Variants in TK2 observed in about 807,000 individuals in gnomAD.
TK2 encodes the protein thymidine kinase 2, also known as thymidine kinase 2, mitochondrial.
In TK2, 35 loss-of-function variants were observed where a neutral mutation model predicts 41.9. The observed-to-expected ratio is 0.84, with a 90% confidence interval of 0.64 to 1.11. The LOEUF (loss-of-function observed/expected upper bound fraction) is 1.11. Ranked by LOEUF, TK2 falls within the 50% of genes least tolerant of loss-of-function variation. The probability of loss-of-function intolerance (pLI) is 0.00; values close to 1 mark genes in which losing one functional copy is unlikely to be tolerated. For synonymous variants in TK2, 128 were observed against 129.1 expected (o/e 0.99, Z 0.06); for missense variants, 320 against 351.1 (o/e 0.91, Z 0.71).
chr16:66,531,720 C>G (rs866080636), intron 4 of TK2, among the ~76,000 whole-genome samples: 3 of 152,252 alleles, frequency 2.0e-5, no homozygotes, highest in Middle Eastern at 3.4e-3. Context: ...GGAATTAGGC[C>G]AGACAAAGAA....
At chr16:66,522,371 G>T (rs1482997990) in intron 6 of TK2, among the ~76,000 whole-genome samples, 3 of 152,204 alleles carry the variant, frequency 2.0e-5, no homozygotes, top group Non-Finnish European at 2.9e-5. Context: ...CAAGCCACAG[G>T]TGAGTCAGCA....
chr16:66,520,020 C>T (rs1331538697), intron 6 of TK2, among the ~76,000 whole-genome samples: 1 of 152,196 alleles, frequency 6.6e-6, no homozygotes, highest in Non-Finnish European at 1.5e-5. Context: ...GAGACCACCC[C>T]CATGTCCTCA....
Position 66,520,541 on chromosome 16 carries a change from C to T in TK2, c.450-2664G>A, listed in dbSNP as rs538610131. ...CAGGCGTGAGGGAGGTTTGCAGGGA[C>T]TTACAGAAAAGATACTTCCGCACGC... On this transcript the variant is annotated intron_variant, in intron 6 of 9. Transcript: ENST00000544898. 3.9e-5 allele frequency among the ~76,000 whole-genome samples: 6 copies of T among 152,302 alleles called. No homozygotes were observed. The East Asian group carries it at 1.2e-3, about 29-fold the overall frequency.
chr16:66,517,145 G>A lies in TK2; in HGVS notation c.609C>T (p.Val203=). The A allele has an allele frequency of 6.2e-7, 1 of 1,614,126 alleles. No individual in the cohort carries two copies. The highest frequency in any genetic ancestry group is 8.5e-7 in the Non-Finnish European group (1 of 1,180,000). The change falls in exon 8 of 10, where the codon GTC becomes GTT. Residue 203 remains valine (V), a synonymous_variant. Coordinates refer to ENST00000544898, the MANE Select transcript of TK2 (RefSeq NM_004614.5). The surrounding 1 kb of genome is among the most constrained non-coding windows in gnomAD (Gnocchi z 4.3). ...LKKRCREEEK[V]IPLEYLEAIH... Reference sequence around the variant, plus strand: ...CAAAGAGGCCTCTTACCAGCGGAATGACCTTCTCCTCTTCCCTGCATCTCT... The same window carrying A: ...CAAAGAGGCCTCTTACCAGCGGAATAACCTTCTCCTCTTCCCTGCATCTCT...
At chr16:66,532,293 T>C (rs1233807916) in intron 4 of TK2, among the ~76,000 whole-genome samples, 2 of 152,086 alleles carry the variant, frequency 1.3e-5, no homozygotes, top group African/African-American at 4.8e-5. Context: ...GGAATCCCAT[T>C]TGCGATGCTA....
At chr16:66,529,985 A>G (rs764037993) in intron 5 of TK2, among the ~76,000 whole-genome samples, 3 of 152,154 alleles carry the variant, frequency 2.0e-5, no homozygotes, top group Non-Finnish European at 2.9e-5. Flanking sequence ...AGAGGAGTGC[A>G]TTTATATCCC....
At chr16:66,523,097 G>A (rs978714121) in intron 6 of TK2, among the ~76,000 whole-genome samples, 2 of 152,150 alleles carry the variant, frequency 1.3e-5, no homozygotes, top group Non-Finnish European at 2.9e-5. Context: ...ATTTTACTTC[G>A]AGGAGATGCA....
intron 3 of TK2, among the ~76,000 whole-genome samples, chr16:66,540,297 T>C (rs1161817727): frequency 4.6e-5 from 7 of 151,706 alleles, no homozygotes; most frequent in African/African-American, 1.7e-4. Flanking sequence ...CTCAGCCTCT[T>C]GAGCAGCTGG....
In TK2 at chr16:66,517,983, G is replaced by C. The variant is rs1328262433; in HGVS notation, c.450-106C>G. The stretch of plus-strand genomic sequence containing the variant: ...GGCTCTCAATGAAAGGAGTCACCAA[G>C]GGTACCAGGGCACAGTGTGATCCGT... On this transcript the variant is annotated intron_variant, in intron 6 of 9. Coordinates refer to ENST00000544898, the MANE Select transcript of TK2 (RefSeq NM_004614.5). The surrounding 1 kb of genome is among the most constrained non-coding windows in gnomAD (Gnocchi z 4.3). The C allele has an allele frequency of 2.2e-6, 2 of 896,382 alleles. No individual in the cohort carries two copies. Among genetic ancestry groups the C allele is most frequent in the African/African-American group, 3.3e-5 (2 of 61,138 alleles). The allele number at this position is 896,382 out of a possible 1,614,324, so 55.5% of individuals were successfully genotyped here. A position where few individuals can be genotyped will look rare whatever the true frequency, so the allele number is the denominator to read the frequency against.
At chr16:66,512,547 C>T (rs1397613656) in intron 9 of TK2, among the ~76,000 whole-genome samples, 10 of 151,960 alleles carry the variant, frequency 6.6e-5, no homozygotes, top group African/African-American at 1.4e-4. Flanking sequence ...TTTGGGAGGC[C>T]GAGGCAGGCA....
At chr16:66,547,616 C>T (rs1038205831) in intron 2 of TK2, among the ~76,000 whole-genome samples, 2 of 152,074 alleles carry the variant, frequency 1.3e-5, no homozygotes, top group African/African-American at 4.8e-5. Context: ...TCACAGCCAC[C>T]ATACTCACTG....
chr16:66,527,408 T>G (rs1964967697), intron 6 of TK2, among the ~76,000 whole-genome samples: 1 of 151,942 alleles, frequency 6.6e-6, no homozygotes, highest in African/African-American at 2.4e-5. Context: ...GCCCCTCAAA[T>G]GAAAGGTGCA....
Position 66,514,699 on chromosome 16 carries a change from T to C in TK2, c.619-888A>G, listed in dbSNP as rs1345678968. Among the ~76,000 whole-genome samples the C allele has an allele frequency of 1.3e-5, 2 of 152,176 alleles. No homozygotes were observed. The highest frequency in any genetic ancestry group is 6.5e-5 in the Admixed American group (1 of 15,282). ...CCAATAGCTCATTGAGAACGGGCCA[T>C]GATGACGATGGCGGTTTTGTCTAAT... On this transcript the variant is annotated intron_variant, in intron 8 of 9. Coordinates refer to ENST00000544898, the MANE Select transcript of TK2 (RefSeq NM_004614.5). This position sits in a 1 kb window ranked among gnomAD's most constrained non-coding sequence, Gnocchi z 4.2.
At chr16:66,533,590 G>A (rs59334737) in intron 4 of TK2, among the ~76,000 whole-genome samples, 10,657 of 152,040 alleles carry the variant, frequency 0.07, 544 homozygotes, top group South Asian at 0.17. Context: ...AATTTTTAAA[G>A]AAGTTAAGCT....
intron 2 of TK2, among the ~76,000 whole-genome samples, chr16:66,548,496 CA>C (rs1242819434): frequency 6.6e-6 from 1 of 152,218 alleles, no homozygotes; most frequent in Non-Finnish European, 1.5e-5. Flanking sequence ...GTCACAGCCC[CA>C]GCCCAGAGCC....
rs144260014 is a variant in TK2 at position 66,517,572 on chromosome 16, G to A, written c.538+217C>T. Among the ~76,000 whole-genome samples the A allele has an allele frequency of 1.3e-5, 2 of 152,322 alleles. No homozygotes were observed. The highest frequency in any genetic ancestry group is 3.9e-4 in the East Asian group (2 of 5,180). On this transcript the variant is annotated intron_variant, in intron 7 of 9. Transcript: ENST00000544898. The surrounding 1 kb of genome is among the most constrained non-coding windows in gnomAD (Gnocchi z 4.3). ...GTCTGAAAGTAGCTGAGCCAGGGAG[G>A]GAAGTTTAAAGAACAAAGGCCAGGG...
intron 8 of TK2, among the ~76,000 whole-genome samples, chr16:66,515,594 C>T (rs570293376): frequency 1.2e-4 from 19 of 152,360 alleles, no homozygotes; most frequent in African/African-American, 4.1e-4. Context: ...CCCAGCTCTC[C>T]CTTGGCAATA....
At chr16:66,521,649 C>T (rs898421061) in intron 6 of TK2, among the ~76,000 whole-genome samples, 1 of 152,220 alleles carries the variant, frequency 6.6e-6, no homozygotes. Context: ...GTGGGCGCTG[C>T]TCTAACTGTA....
chr16:66,519,972 T>C (rs188010280), intron 6 of TK2, among the ~76,000 whole-genome samples: 1 of 152,188 alleles, frequency 6.6e-6, no homozygotes, highest in Admixed American at 6.5e-5. Flanking sequence ...CAGCAAGGCA[T>C]GGCACCAACT....
Sources: gnomAD v4.1 joint callset for allele counts (sites outside exome capture counted in the v4.1 genomes callset) on GRCh38, gnomAD v4.1.1 for gene constraint, Gnocchi (gnomAD v3.1) non-coding constraint, MANE v1.5 for transcripts, NCBI Gene and HGNC (gene_info 2026-07-23, HGNC 2026-07-21) for gene names.